The following SLC38A4 variants were observed in gnomAD, a reference collection of about 807,000 sequenced individuals.
SLC38A4 encodes solute carrier family 38 member 4, also known as sodium-coupled neutral amino acid transporter 4.
In SLC38A4, 20 loss-of-function variants were observed where a neutral mutation model predicts 63.1. The observed-to-expected ratio is 0.32, with a 90% CI of 0.22 to 0.46. The LOEUF is 0.46. SLC38A4 is among the 20% of genes least tolerant of loss of function. The pLI, the probability that SLC38A4 is intolerant of heterozygous loss-of-function variation, is 1.00. For synonymous variants in SLC38A4, 230 were observed against 225.5 expected (o/e 1.02, Z -0.18); for missense variants, 526 against 663.6 (o/e 0.79, Z 2.28).
intron 1 of SLC38A4, among the ~76,000 whole-genome samples, chr12:46,815,325 A>T: frequency 6.8e-6 from 1 of 147,092 alleles, no homozygotes; most frequent in Non-Finnish European, 1.5e-5. Flanking sequence ...TGAGAATATG[A>T]ATCATATTGA....
chr12:46,800,341 A>C (rs940334086), intron 2 of SLC38A4, among the ~76,000 whole-genome samples: 3 of 152,038 alleles, frequency 2.0e-5, no homozygotes, highest in African/African-American at 7.2e-5. Context: ...CAAATTTCCT[A>C]ATACACTGGA....
At chr12:46,824,715 A>G (rs1245077015) in intron 1 of SLC38A4, among the ~76,000 whole-genome samples, 1 of 152,222 alleles carries the variant, frequency 6.6e-6, no homozygotes, top group Non-Finnish European at 1.5e-5. Context: ...AACGATGAAA[A>G]TATAGAGATG....
At position 46,769,360 on chromosome 12, in the gene SLC38A4, A is replaced by T. The variant is rs570572460; in HGVS notation, c.1368T>A (p.Ile456=). 69 of 1,613,526 alleles carry T rather than the reference A, an allele frequency of 4.3e-5. 1 individual carries two copies. The Middle Eastern group carries it at 5.0e-4, about 12-fold the overall frequency. The change falls in exon 15 of 17, where the codon ATT becomes ATA. Residue 456 remains isoleucine, a synonymous_variant. Coordinates refer to ENST00000266579, the MANE Select transcript of SLC38A4 (RefSeq NM_018018.5). ...RPFSWIRHFL[I]AAVLIALNNV... is the part of the protein sequence containing the mutation. ...TATTAAGTGCAATAAGCACAGCTGC[A>T]ATCAGGAAATGTCGTATCCAGCTGA...
At position 46,764,889 on chromosome 12, in the gene SLC38A4, G is replaced by C. The variant is rs1449605060; in HGVS notation, c.*1812C>G. ...AAATTTTCATCTGTTTACAAATGGG[G>C]TTAAATTAATCAGCACAAGCTATCA... On this transcript the variant is annotated 3_prime_UTR_variant, in exon 17 of 17. Coordinates refer to ENST00000266579, the MANE Select transcript of SLC38A4 (RefSeq NM_018018.5). The C allele has an allele frequency of 6.6e-6, 1 of 152,524 alleles. No homozygotes were observed. Among genetic ancestry groups the C allele is most frequent in the African/African-American group, 2.4e-5 (1 of 41,430 alleles). 9.4% of individuals were successfully genotyped at this position (152,524 alleles called of 1,614,324 possible).
intron 10 of SLC38A4, among the ~76,000 whole-genome samples, chr12:46,779,299 C>T (rs1196553810): frequency 6.6e-6 from 1 of 151,900 alleles, no homozygotes; most frequent in African/African-American, 2.4e-5. Flanking sequence ...TCTTGTTTCT[C>T]ATCTGGGACT....
At chr12:46,774,240 G>T (rs1270988627) in intron 14 of SLC38A4, among the ~76,000 whole-genome samples, 2 of 152,092 alleles carry the variant, frequency 1.3e-5, no homozygotes, top group Non-Finnish European at 2.9e-5. Context: ...TCATATGCAA[G>T]CCCTGTATGG....
At chr12:46,821,027 T>C (rs994620629) in intron 1 of SLC38A4, among the ~76,000 whole-genome samples, 9 of 151,982 alleles carry the variant, frequency 5.9e-5, no homozygotes, top group African/African-American at 2.2e-4. Flanking sequence ...TCATGTTATT[T>C]GTTATGTAGG....
chr12:46,764,805 G>A lies in SLC38A4; in HGVS notation c.*1896C>T, dbSNP rs954597238. ...TATTATATACCAATATACACTTTCT[G>A]TAATAAAAAAGAAGCCTCCCAATAC... is the stretch of plus-strand genomic sequence containing the variant. On this transcript the variant is annotated 3_prime_UTR_variant, in exon 17 of 17. Coordinates refer to ENST00000266579, the MANE Select transcript of SLC38A4 (RefSeq NM_018018.5). 1 of 152,302 alleles carries A rather than the reference G, an allele frequency of 6.6e-6. No homozygotes were observed. The highest frequency in any genetic ancestry group is 2.4e-5 in the African/African-American group (1 of 41,408). The allele number at this position is 152,302 out of a possible 1,614,324, so 9.4% of individuals were successfully genotyped here.
chr12:46,785,603 G>A (rs1054608642), intron 5 of SLC38A4, among the ~76,000 whole-genome samples: 3 of 152,142 alleles, frequency 2.0e-5, no homozygotes, highest in South Asian at 2.1e-4. Flanking sequence ...ATCCAAAGGC[G>A]AAAGCATGCA....
Position 46,773,003 on chromosome 12 carries a change from A to C in SLC38A4, c.1299+2046T>G, listed in dbSNP as rs997803382. Among the ~76,000 whole-genome samples, 49 of 152,092 alleles carry C rather than the reference A, an allele frequency of 3.2e-4. 1 individual carries two copies. The highest frequency in any genetic ancestry group is 1.2e-3 in the African/African-American group (49 of 41,452). On this transcript the variant is annotated intron_variant, in intron 14 of 16. Transcript: ENST00000266579. ...CCTAAGTTATACGAAATAAACAAGCAAAAGCGCCAATAACAACTTTTATCA... is the reference window on the plus strand; with the variant it reads ...CCTAAGTTATACGAAATAAACAAGCCAAAGCGCCAATAACAACTTTTATCA...
intron 1 of SLC38A4, among the ~76,000 whole-genome samples, chr12:46,831,555 C>G (rs1002414204): frequency 4.6e-5 from 7 of 152,202 alleles, no homozygotes; most frequent in African/African-American, 1.7e-4. Context: ...GAACCGCTGG[C>G]GCAGTTTTCA....
upstream of SLC38A4, among the ~76,000 whole-genome samples, chr12:46,830,021 C>T (rs1240917760): frequency 6.6e-6 from 1 of 152,258 alleles, no homozygotes; most frequent in East Asian, 1.9e-4. Flanking sequence ...GCCGGAATTA[C>T]CATTAATCTA....
rs114460585 is a variant in SLC38A4, at chr12:46,787,505, G to A, written c.326+411C>T. Among the ~76,000 whole-genome samples the A allele has an allele frequency of 6.6e-5, 10 of 152,204 alleles. No homozygotes were observed. The East Asian group carries it at 1.4e-3, about 21-fold the overall frequency. The stretch of plus-strand genomic sequence containing the variant: ...TGAGAGGGAATGTGGCATCTTCATA[G>A]GATGGAGAGAAGGCTATTGTGCCCA... On this transcript the variant is annotated intron_variant, in intron 5 of 16. Coordinates refer to ENST00000266579, the MANE Select transcript of SLC38A4 (RefSeq NM_018018.5).
chr12:46,767,107 C>T (rs1466919353), intron 16 of SLC38A4, among the ~76,000 whole-genome samples: 3 of 151,770 alleles, frequency 2.0e-5, no homozygotes, highest in Non-Finnish European at 4.4e-5. Context: ...ATTCAATAAT[C>T]TAGAGAATGC....
At position 46,768,410 on chromosome 12, in the gene SLC38A4, G is replaced by A; in HGVS notation, c.1445-3C>T. ...CAGCATAGTGGCAGAAGAAGCCCCT[G>A]AGAAGACAAACACAGGGCAAGGTCA... On this transcript the variant is annotated splice_polypyrimidine_tract_variant and splice_region_variant and intron_variant, in intron 15 of 16. Transcript: ENST00000266579. The A allele has an allele frequency of 6.2e-7, 1 of 1,607,250 alleles. No individual in the cohort carries two copies. The highest frequency in any genetic ancestry group is 8.5e-7 in the Non-Finnish European group (1 of 1,176,190).
chr12:46,774,582 C>G (rs563570428), intron 14 of SLC38A4, among the ~76,000 whole-genome samples: 20 of 152,094 alleles, frequency 1.3e-4, no homozygotes, highest in African/African-American at 4.6e-4. Context: ...TAACATGAAT[C>G]CCCTTTTCAT....
chr12:46,815,996 T>C (rs1307298963), intron 1 of SLC38A4, among the ~76,000 whole-genome samples: 1 of 151,920 alleles, frequency 6.6e-6, no homozygotes, highest in Non-Finnish European at 1.5e-5. Flanking sequence ...ATGGTCTTAA[T>C]TCCTCCAGCA....
At chr12:46,769,233 T>C (rs1938360679) in intron 15 of SLC38A4, 51 bp downstream of exon 15, 1 of 1,600,510 alleles carries the variant, frequency 6.2e-7, no homozygotes, top group Non-Finnish European at 8.6e-7. Flanking sequence ...GTCCATCATT[T>C]AATGAGGCGT....
At chr12:46,778,422 T>C (rs1938572789) in intron 11 of SLC38A4, 54 bp from the exon 12 acceptor site, 1 of 1,608,834 alleles carries the variant, frequency 6.2e-7, no homozygotes, top group African/African-American at 1.3e-5. Context: ...GATGGTGATC[T>C]CAGGCCATCT....
Sources: gnomAD v4.1 joint callset for allele counts (sites outside exome capture counted in the v4.1 genomes callset) on GRCh38, gnomAD v4.1.1 for gene constraint, MANE v1.5 for transcripts, NCBI Gene and HGNC (gene_info 2026-07-23, HGNC 2026-07-21) for gene names.